Variants in MPZL1 observed in about 807,000 individuals in gnomAD.
MPZL1 encodes the protein myelin protein zero-like protein 1.
Under a neutral mutation model 29.3 loss-of-function variants are expected in MPZL1, and 16 were observed. That is an observed-to-expected ratio of 0.55 (90% confidence interval 0.37 to 0.83). The LOEUF is 0.83. Ranked by LOEUF, MPZL1 falls within the 40% of genes least tolerant of loss-of-function variation. The pLI is 0.00. For synonymous variants in MPZL1, 143 were observed against 132.0 expected (o/e 1.08, Z -0.57); for missense variants, 279 against 332.9 (o/e 0.84, Z 1.26).
At chr1:167,775,265 A>C (rs949368415) in intron 4 of MPZL1, among the ~76,000 whole-genome samples, 1 of 152,248 alleles carries the variant, frequency 6.6e-6, no homozygotes, top group African/African-American at 2.4e-5. Flanking sequence ...CTTTGGTCTT[A>C]GTAATGACAC....
At chr1:167,750,012 C>T (rs1402117655) in intron 1 of MPZL1, among the ~76,000 whole-genome samples, 1 of 152,218 alleles carries the variant, frequency 6.6e-6, no homozygotes, top group Non-Finnish European at 1.5e-5. Flanking sequence ...CACTAAGTTA[C>T]ATTATGTTCC....
In MPZL1 at chr1:167,760,767, G is replaced by GTA. The variant is rs1660969088; in HGVS notation, c.92-4815_92-4814insAT. On this transcript the variant is annotated intron_variant, in intron 1 of 5. Transcript: ENST00000359523. ...ATAGGCTGTGTGTGTGTGTGTGTGT[G>GTA]TGTGTGTGTGTGTGTGTGTGTGTGT... 7.5e-5 allele frequency among the ~76,000 whole-genome samples: 10 copies of GTA among 133,384 alleles called. No individual in the cohort carries two copies. The South Asian group carries it at 2.5e-3, about 33-fold the overall frequency. 87.5% of individuals were successfully genotyped at this position (133,384 alleles called of 152,430 possible).
intron 5 of MPZL1, among the ~76,000 whole-genome samples, chr1:167,778,523 A>AGGATGGAT (rs10666527): frequency 0.011 from 1,630 of 147,318 alleles, 28 homozygotes; most frequent in African/African-American, 0.021. Context: ...GAAGGAAGGA[A>AGGATGGAT]GGATGGATGG....
At position 167,790,168 on chromosome 1, in the gene MPZL1, A is replaced by G. The variant is rs1661677415; in HGVS notation, c.*2247A>G. The G allele has an allele frequency of 6.6e-6, 1 of 152,356 alleles. No homozygotes were observed. Among genetic ancestry groups the G allele is most frequent in the South Asian group, 2.1e-4 (1 of 4,830 alleles). The allele number at this position is 152,356 out of a possible 1,614,324, so 9.4% of individuals were successfully genotyped here. A position where few individuals can be genotyped will look rare whatever the true frequency, so the allele number is the denominator to read the frequency against. ...AAACATTTCGGAGCTCCCTGAGAGCAAGAGCCTTCACTTCTTCTTGCGGTG... is the reference window on the plus strand; with the variant it reads ...AAACATTTCGGAGCTCCCTGAGAGCGAGAGCCTTCACTTCTTCTTGCGGTG... On this transcript the variant is annotated 3_prime_UTR_variant, in exon 6 of 6. Transcript: ENST00000359523.
intron 1 of MPZL1, among the ~76,000 whole-genome samples, chr1:167,756,159 A>AT (rs879352403): frequency 1.4e-3 from 205 of 146,402 alleles, no homozygotes; most frequent in Admixed American, 3.4e-3. Context: ...AAGTACATGG[A>AT]TTTTTTTTTT....
At position 167,722,068 on chromosome 1, in the gene MPZL1, C is replaced by T; in HGVS notation, c.-84C>T. ...GCGCGGGTGGCGGAGAGATCAGAAGCCTCTTCCCCAAGCCGAGCCAACCTC... is the reference window on the plus strand; with the variant it reads ...GCGCGGGTGGCGGAGAGATCAGAAGTCTCTTCCCCAAGCCGAGCCAACCTC... On this transcript the variant is annotated 5_prime_UTR_variant, in exon 1 of 6. Transcript: ENST00000359523. 8.1e-7 allele frequency: 1 copy of T among 1,230,222 alleles called. No homozygotes were observed. Among genetic ancestry groups the T allele is most frequent in the Non-Finnish European group, 1.0e-6 (1 of 986,716 alleles). The allele number at this position is 1,230,222 out of a possible 1,614,324, so 76.2% of individuals were successfully genotyped here.
At chr1:167,747,742 AAC>A (rs1660675631) in intron 1 of MPZL1, among the ~76,000 whole-genome samples, 2 of 151,602 alleles carry the variant, frequency 1.3e-5, no homozygotes, top group African/African-American at 4.8e-5. Context: ...TTTTTTTTTT[AAC>A]AGAAGTTTTA....
At chr1:167,728,728 G>A (rs1276525651) in intron 1 of MPZL1, among the ~76,000 whole-genome samples, 2 of 152,168 alleles carry the variant, frequency 1.3e-5, no homozygotes, top group Non-Finnish European at 2.9e-5. Context: ...TGTAGCAACA[G>A]TGATACACTG....
At chr1:167,782,603 G>A (rs1187591356) in intron 5 of MPZL1, among the ~76,000 whole-genome samples, 1 of 152,168 alleles carries the variant, frequency 6.6e-6, no homozygotes, top group Non-Finnish European at 1.5e-5. Context: ...AGACTATAAT[G>A]GCCCCACAAA....
chr1:167,734,670 A>G (rs1660341648), intron 1 of MPZL1, among the ~76,000 whole-genome samples: 1 of 152,152 alleles, frequency 6.6e-6, no homozygotes, highest in Admixed American at 6.5e-5. Flanking sequence ...ACTTAAGTCT[A>G]GTTATAGATC....
intron 1 of MPZL1, among the ~76,000 whole-genome samples, chr1:167,741,219 G>C (rs534291434): frequency 7.8e-6 from 1 of 128,552 alleles, no homozygotes; most frequent in Non-Finnish European, 1.6e-5. Context: ...TGGGGGTTTC[G>C]CTATGTTGTC....
chr1:167,777,519 T>C (rs1391408016), intron 5 of MPZL1, among the ~76,000 whole-genome samples: 1 of 151,936 alleles, frequency 6.6e-6, no homozygotes, highest in Admixed American at 6.6e-5. Flanking sequence ...AAATCAGAAT[T>C]TGGGGAGGTC....
chr1:167,739,577 C>G (rs1314230292), intron 1 of MPZL1, among the ~76,000 whole-genome samples: 1 of 152,038 alleles, frequency 6.6e-6, no homozygotes, highest in Non-Finnish European at 1.5e-5. Context: ...AAATTGAGCT[C>G]TCAAGTTCTC....
intron 1 of MPZL1, among the ~76,000 whole-genome samples, chr1:167,735,207 A>T (rs915257261): frequency 6.6e-6 from 1 of 152,184 alleles, no homozygotes; most frequent in Non-Finnish European, 1.5e-5. Context: ...CATTAGTTTG[A>T]CAAAAATGTT....
chr1:167,747,960 A>G (rs1660681118), intron 1 of MPZL1, among the ~76,000 whole-genome samples: 1 of 152,224 alleles, frequency 6.6e-6, no homozygotes, highest in Non-Finnish European at 1.5e-5. Flanking sequence ...TAGAAATTTT[A>G]TATGGATAGA....
intron 1 of MPZL1, among the ~76,000 whole-genome samples, chr1:167,748,839 G>A (rs1660701083): frequency 6.6e-6 from 1 of 151,992 alleles, no homozygotes; most frequent in South Asian, 2.1e-4. Flanking sequence ...AATATCTTGG[G>A]AGATCATTCT....
At chr1:167,742,751 A>G (rs1660558731) in intron 1 of MPZL1, among the ~76,000 whole-genome samples, 1 of 152,126 alleles carries the variant, frequency 6.6e-6, no homozygotes, top group Admixed American at 6.6e-5. Flanking sequence ...CTCTTCTAGA[A>G]TTTTTATAGT....
At chr1:167,752,806 GA>G (rs561959650) in intron 1 of MPZL1, among the ~76,000 whole-genome samples, 1 of 151,614 alleles carries the variant, frequency 6.6e-6, no homozygotes, top group East Asian at 1.9e-4. Context: ...CTTATTTTAG[GA>G]AAAAAAATAG....
intron 1 of MPZL1, among the ~76,000 whole-genome samples, chr1:167,744,913 A>G (rs996867400): frequency 2.6e-5 from 4 of 152,190 alleles, no homozygotes; most frequent in Non-Finnish European, 4.4e-5. Flanking sequence ...AGGCGGATGG[A>G]TCCACTACTT....
Sources: gnomAD v4.1 joint callset for allele counts (sites outside exome capture counted in the v4.1 genomes callset) on GRCh38, gnomAD v4.1.1 for gene constraint, MANE v1.5 for transcripts, NCBI Gene and HGNC (gene_info 2026-07-23, HGNC 2026-07-21) for gene names.